The following PGM5 variants were observed in gnomAD, a reference collection of about 807,000 sequenced individuals.
PGM5 encodes the protein phosphoglucomutase-like protein 5.
In PGM5, 23 loss-of-function variants were observed where a neutral mutation model predicts 59.2. That is an observed-to-expected ratio of 0.39 (90% confidence interval 0.28 to 0.55). The LOEUF (loss-of-function observed/expected upper bound fraction) is 0.55. Ranked by LOEUF, PGM5 falls within the 20% of genes least tolerant of loss-of-function variation. The pLI, the probability that PGM5 is intolerant of heterozygous loss-of-function variation, is 0.66. For missense variants in PGM5, 574 were observed against 748.3 expected, an observed-to-expected ratio of 0.77 and a Z score of 2.72; for synonymous variants, 214 against 286.0, an observed-to-expected ratio of 0.75 and a Z score of 2.54.
At chr9:68,412,328 T>C (rs1169027305) in intron 6 of PGM5, among the ~76,000 whole-genome samples, 1 of 152,228 alleles carries the variant, frequency 6.6e-6, no homozygotes, top group Non-Finnish European at 1.5e-5. Context: ...AAACATAACA[T>C]TACTGGCAGC....
At chr9:68,529,243 G>A (rs747943280) in intron 10 of PGM5, among the ~76,000 whole-genome samples, 2 of 149,392 alleles carry the variant, frequency 1.3e-5, no homozygotes, top group Admixed American at 1.4e-4. Flanking sequence ...CAGAAGACTG[G>A]AGTTTTTCTG....
chr9:68,439,382 T>C (rs546304243), intron 6 of PGM5, among the ~76,000 whole-genome samples: 2 of 147,452 alleles, frequency 1.4e-5, no homozygotes, highest in African/African-American at 4.9e-5. Context: ...TAAATATATA[T>C]ATATCTTTAT....
At chr9:68,513,716 C>A (rs1179348509) in intron 10 of PGM5, among the ~76,000 whole-genome samples, 1 of 152,208 alleles carries the variant, frequency 6.6e-6, no homozygotes, top group Non-Finnish European at 1.5e-5. Context: ...TGTTTTTATT[C>A]TTTCTTTCTT....
chr9:68,395,878 T>C (rs1554679927), intron 6 of PGM5: 1 of 151,962 alleles, frequency 6.6e-6, no homozygotes, highest in East Asian at 1.9e-4. Flanking sequence ...CTAAACTCAG[T>C]TTAAAATTCT....
chr9:68,455,651 A>G (rs1823763281), intron 6 of PGM5, among the ~76,000 whole-genome samples: 1 of 152,190 alleles, frequency 6.6e-6, no homozygotes, highest in South Asian at 2.1e-4. Flanking sequence ...AGGCATAGTT[A>G]TCGGGGAGGG....
At chr9:68,481,518 C>T (rs563609169) in intron 8 of PGM5, among the ~76,000 whole-genome samples, 1 of 152,192 alleles carries the variant, frequency 6.6e-6, no homozygotes, top group Non-Finnish European at 1.5e-5. Context: ...AAACGTCCAA[C>T]CTGACAAAAT....
In PGM5 at chr9:68,401,949, A is replaced by G. The variant is rs1256401435; in HGVS notation, c.1043+9476A>G. ...TGTGTGTATATATTTGTCAAGGCTC[A>G]TGAAACTGTACACTTAGAAGTGATG... is the stretch of plus-strand genomic sequence containing the variant. On this transcript the variant is annotated intron_variant, in intron 6 of 10. Coordinates refer to ENST00000396396, the MANE Select transcript of PGM5 (RefSeq NM_021965.4). Among the ~76,000 whole-genome samples, 356 of 151,772 alleles carry G rather than the reference A, an allele frequency of 2.3e-3. 1 individual carries two copies. Among genetic ancestry groups the G allele is most frequent in the African/African-American group, 8.1e-3 (333 of 41,348 alleles).
At chr9:68,401,929 G>GTGTA (rs1361363173) in intron 6 of PGM5, among the ~76,000 whole-genome samples, 16 of 56,932 alleles carry the variant, frequency 2.8e-4, no homozygotes, top group Admixed American at 1.4e-3. Context: ...GTGTGTGTGT[G>GTGTA]TATATATTTG....
intron 6 of PGM5, chr9:68,395,566 T>C (rs1327291344): frequency 1.3e-5 from 2 of 152,148 alleles, no homozygotes; most frequent in Non-Finnish European, 2.9e-5. Context: ...AATCTTCCAT[T>C]CCATGAATGT....
intron 10 of PGM5, among the ~76,000 whole-genome samples, chr9:68,520,334 G>GA (rs939325946): frequency 1.7e-4 from 24 of 139,956 alleles, no homozygotes; most frequent in East Asian, 4.1e-4. Context: ...AATTTATAAA[G>GA]AAAAAAAAAA....
rs368106831 is a variant in PGM5, at chr9:68,465,234, T to G, written c.1159+26T>G. 3.5e-6 allele frequency: 5 copies of G among 1,422,506 alleles called. No individual in the cohort carries two copies. In the African/African-American group the frequency reaches 4.2e-5, roughly 12 times the overall value. 88.1% of individuals were successfully genotyped at this position (1,422,506 alleles called of 1,614,324 possible). On this transcript the variant is annotated intron_variant, in intron 7 of 10. Transcript: ENST00000396396. ...GTAGGCTTTGTTGGGTTGATATTAC[T>G]GGGGAGGGCGGCTGCAGCCTTTTGT... is the stretch of plus-strand genomic sequence containing the variant.
In PGM5 at chr9:68,484,011, A is replaced by T; in HGVS notation, c.1442A>T (p.Tyr481Phe). Residue 481 changes from tyrosine to phenylalanine, a missense_variant, in exon 9 of 11, where the codon TAC (tyrosine) becomes TTC (phenylalanine). Tyr to Phe is a conservative substitution (Grantham distance 22). Around this residue, in one of 7 missense-constraint regions of PGM5, gnomAD observed 300 missense variants for 280.0 expected, o/e 1.07. Coordinates refer to ENST00000396396, the MANE Select transcript of PGM5 (RefSeq NM_021965.4). Reference sequence around the variant, plus strand: ...GTGGCGAAGACGGATAGTTTTGAATACGTGGACCCTGTGGATGGCACTGTG... The same window carrying T: ...GTGGCGAAGACGGATAGTTTTGAATTCGTGGACCCTGTGGATGGCACTGTG... Reference protein sequence around the residue: ...YSVAKTDSFEYVDPVDGTVTK... With the variant: ...YSVAKTDSFEFVDPVDGTVTK... 6.2e-7 allele frequency: 1 copy of T among 1,613,882 alleles called. No homozygotes were observed. The highest frequency in any genetic ancestry group is 1.7e-4 in the Middle Eastern group (1 of 5,874).
chr9:68,371,660 G>A (rs562209590), intron 1 of PGM5: 7 of 131,704 alleles, frequency 5.3e-5, no homozygotes, highest in African/African-American at 1.9e-4. Context: ...CCTATGTCAG[G>A]GGATAGTCAA....
At chr9:68,454,919 C>T (rs10868852) in intron 6 of PGM5, among the ~76,000 whole-genome samples, 4 of 152,192 alleles carry the variant, frequency 2.6e-5, no homozygotes, top group Non-Finnish European at 4.4e-5. Flanking sequence ...CTTTAAAAGA[C>T]ATTAGAGCAG....
intron 6 of PGM5, among the ~76,000 whole-genome samples, chr9:68,448,958 A>G (rs927888166): frequency 1.3e-4 from 20 of 152,202 alleles, no homozygotes; most frequent in African/African-American, 4.3e-4. Context: ...CCATAGACTG[A>G]GTGGCTTATA....
chr9:68,493,118 G>A (rs1336741246), intron 9 of PGM5, among the ~76,000 whole-genome samples: 1 of 152,112 alleles, frequency 6.6e-6, no homozygotes, highest in Non-Finnish European at 1.5e-5. Flanking sequence ...ATTTGACTAG[G>A]TCCAATGCTG....
chr9:68,378,240 A>C lies in PGM5; in HGVS notation c.303A>C (p.Thr101=), dbSNP rs781951480. ...TTGGACAGAATGGCATCTTGTCGAC[A>C]CCTGCGGTCTCCTGCATTATCAGGA... is the stretch of plus-strand genomic sequence containing the variant. ...LIIGQNGILS[T]PAVSCIIRKI... is the part of the protein sequence containing the mutation. Residue 101 remains threonine, a synonymous_variant, in exon 2 of 11, where the codon ACA becomes ACC. Coordinates refer to ENST00000396396, the MANE Select transcript of PGM5 (RefSeq NM_021965.4). 2 of 1,591,518 alleles carry C rather than the reference A, an allele frequency of 1.3e-6. No individual in the cohort carries two copies. Among genetic ancestry groups the C allele is most frequent in the East Asian group, 4.5e-5 (2 of 44,618 alleles).
intron 1 of PGM5, among the ~76,000 whole-genome samples, chr9:68,365,660 T>C (rs1554676619): frequency 2.0e-5 from 3 of 152,206 alleles, no homozygotes; most frequent in Admixed American, 2.0e-4. Flanking sequence ...TACTTTCTCT[T>C]TTTAAGTTTG....
Position 68,453,952 on chromosome 9 carries a change from G to A in PGM5, c.1044-11141G>A, listed in dbSNP as rs182595525. 2.6e-4 allele frequency among the ~76,000 whole-genome samples: 40 copies of A among 152,296 alleles called. No homozygotes were observed. The Middle Eastern group carries it at 0.01, about 39-fold the overall frequency. On this transcript the variant is annotated intron_variant, in intron 6 of 10. Coordinates refer to ENST00000396396, the MANE Select transcript of PGM5 (RefSeq NM_021965.4). ...GTAAGGAAGCGGCCTAAGTCCAGGA[G>A]GGGGTGGATGAAGAGTGTACTGGTG...
Sources: gnomAD v4.1 joint callset for allele counts (sites outside exome capture counted in the v4.1 genomes callset) on GRCh38, gnomAD v4.1.1 for gene constraint, gnomAD v4.1.1 regional missense constraint, MANE v1.5 for transcripts, NCBI Gene and HGNC (gene_info 2026-07-23, HGNC 2026-07-21) for gene names.